Variants in PAM observed in about 807,000 individuals in gnomAD.
PAM encodes peptidyl-glycine alpha-amidating monooxygenase.
In PAM, 72 loss-of-function variants were observed where a neutral mutation model predicts 122.1. That is an observed-to-expected ratio of 0.59 (90% confidence interval 0.49 to 0.72). The LOEUF is 0.72. Among genes scored for constraint, PAM ranks in the 30% least tolerant of loss-of-function variants. The probability of loss-of-function intolerance (pLI) is 0.00; values close to 1 mark genes in which losing one functional copy is unlikely to be tolerated. For missense variants in PAM, 1,106 were observed against 1,183.7 expected (o/e 0.93, Z 0.96); for synonymous variants, 389 against 404.4 (o/e 0.96, Z 0.46).
chr5:102,913,595 T>C (rs10463988), intron 4 of PAM, among the ~76,000 whole-genome samples: 43,570 of 151,832 alleles, frequency 0.29, 6,552 homozygotes, highest in East Asian at 0.43. Flanking sequence ...ACTGTACTGA[T>C]GTCTAAAAGG....
chr5:102,864,660 A>G (rs936179009), intron 1 of PAM: 9 of 152,142 alleles, frequency 5.9e-5, no homozygotes, highest in African/African-American at 1.9e-4. Flanking sequence ...AGGCTGATGT[A>G]TTACTGTGAA....
chr5:102,899,799 G>T (rs1797172591), intron 3 of PAM, among the ~76,000 whole-genome samples: 1 of 151,668 alleles, frequency 6.6e-6, no homozygotes, highest in Non-Finnish European at 1.5e-5. Flanking sequence ...CAAAACAAAA[G>T]GGAGGAGACC....
chr5:102,850,735 C>T (rs887522768), intron 1 of PAM, among the ~76,000 whole-genome samples: 1 of 152,046 alleles, frequency 6.6e-6, no homozygotes, highest in Non-Finnish European at 1.5e-5. Context: ...GGGCGGCTGG[C>T]GGGGTGGTGG....
At chr5:102,805,547 T>A (rs1388091450) in intron 1 of PAM, among the ~76,000 whole-genome samples, 1 of 152,160 alleles carries the variant, frequency 6.6e-6, no homozygotes, top group Non-Finnish European at 1.5e-5. Context: ...TGCTATTGGG[T>A]AGGTTTTGCC....
chr5:103,006,788 C>T lies in PAM; in HGVS notation c.1804-13C>T. 1 of 1,591,254 alleles carries T rather than the reference C, an allele frequency of 6.3e-7. No individual in the cohort carries two copies. The highest frequency in any genetic ancestry group is 8.6e-7 in the Non-Finnish European group (1 of 1,162,282). ...ATGAAAAGTAGGTAAGGCTTTTGTT[C>T]CTTTTTAAAAAGGTGTTCAAACTGG... On this transcript the variant is annotated splice_polypyrimidine_tract_variant and intron_variant, in intron 18 of 25. Transcript: ENST00000438793.
chr5:102,887,896 G>T (rs1581353205), intron 3 of PAM, among the ~76,000 whole-genome samples: 2 of 151,986 alleles, frequency 1.3e-5, no homozygotes, highest in East Asian at 1.9e-4. Flanking sequence ...CTTTCTCAAA[G>T]AAGCTTTTCC....
intron 15 of PAM, chr5:102,987,492 A>G: frequency 2.2e-6 from 1 of 451,440 alleles, no homozygotes; most frequent in Middle Eastern, 3.3e-4. Flanking sequence ...ATAGTTAACA[A>G]CAATATATTG....
At chr5:102,872,846 G>A (rs190584769) in intron 3 of PAM, among the ~76,000 whole-genome samples, 1 of 152,096 alleles carries the variant, frequency 6.6e-6, no homozygotes, top group Admixed American at 6.5e-5. Context: ...TTCCATCATT[G>A]TGTAAAAAAG....
At chr5:103,013,033 C>T (rs1360556466) in intron 21 of PAM, among the ~76,000 whole-genome samples, 1 of 152,034 alleles carries the variant, frequency 6.6e-6, no homozygotes, top group Admixed American at 6.6e-5. Context: ...GTTCTTTTTG[C>T]TCAGGTTAGT....
At chr5:102,878,765 G>A (rs1333532302) in intron 3 of PAM, among the ~76,000 whole-genome samples, 1 of 151,768 alleles carries the variant, frequency 6.6e-6, no homozygotes, top group Non-Finnish European at 1.5e-5. Flanking sequence ...AATGCTTATA[G>A]AATAAAGACA....
intron 3 of PAM, among the ~76,000 whole-genome samples, chr5:102,884,071 G>A (rs1269451087): frequency 3.3e-5 from 5 of 151,658 alleles, no homozygotes; most frequent in African/African-American, 4.8e-5. Flanking sequence ...ATATACATGT[G>A]TCTGTTTGGT....
intron 1 of PAM, among the ~76,000 whole-genome samples, chr5:102,831,312 C>G (rs529581764): frequency 6.6e-6 from 1 of 152,188 alleles, no homozygotes; most frequent in South Asian, 2.1e-4. Flanking sequence ...TAAAAATTAT[C>G]TTGTTAAAAA....
intron 3 of PAM, among the ~76,000 whole-genome samples, chr5:102,881,910 C>T (rs1014654355): frequency 6.6e-6 from 1 of 150,508 alleles, no homozygotes; most frequent in Admixed American, 6.6e-5. Context: ...GCTTAACTCC[C>T]AACTTATGAG....
intron 1 of PAM, among the ~76,000 whole-genome samples, chr5:102,857,137 A>G (rs778811628): frequency 1.3e-5 from 2 of 152,206 alleles, no homozygotes; most frequent in African/African-American, 4.8e-5. Flanking sequence ...AAAAATAGAA[A>G]GGGCAAAAAA....
At position 102,867,377 on chromosome 5, in the gene PAM, G is replaced by A. The variant is rs537531279; in HGVS notation, c.194G>A (p.Gly65Glu). The change falls in exon 3 of 26, where the codon GGG becomes GAG. Residue 65 changes from glycine (G) to glutamate (E), a missense_variant. By Grantham distance (98) the Gly-to-Glu change is moderately conservative (BLOSUM62 -2). Transcript: ENST00000438793. The stretch of plus-strand genomic sequence containing the variant: ...TTTGCATTGGATATTCGCATGCCTG[G>A]GGTTACACCTAAACAGGTGAGAGGA... ...SDFALDIRMP[G>E]VTPKQSDTYF... The A allele has an allele frequency of 3.4e-5, 55 of 1,608,624 alleles. 1 individual carries two copies. In the South Asian group the frequency reaches 4.3e-4, roughly 13 times the overall value.
chr5:102,821,576 C>T (rs1226005427), intron 1 of PAM, among the ~76,000 whole-genome samples: 3 of 152,164 alleles, frequency 2.0e-5, no homozygotes, highest in South Asian at 2.1e-4. Flanking sequence ...TATTAAATGT[C>T]GTTTGGTTAA....
At chr5:102,766,926 A>ATTTTTTTTTTTTTTGTTTTTTT (rs1754154339) in intron 1 of PAM, among the ~76,000 whole-genome samples, 1 of 25,830 alleles carries the variant, frequency 3.9e-5, no homozygotes, top group Admixed American at 4.9e-4. Context: ...TCAGTTGTGG[A>ATTTTTTTTTTTTTTGTTTTTTT]TTTTTTTTTT....
intron 3 of PAM, among the ~76,000 whole-genome samples, chr5:102,869,838 G>C (rs1342373280): frequency 6.6e-6 from 1 of 151,704 alleles, no homozygotes; most frequent in African/African-American, 2.4e-5. Flanking sequence ...GTCCTTAAGA[G>C]GAAAGGAGGT....
intron 7 of PAM, among the ~76,000 whole-genome samples, chr5:102,929,913 T>A (rs956608655): frequency 6.6e-6 from 1 of 151,986 alleles, no homozygotes; most frequent in African/African-American, 2.4e-5. Context: ...TTAGTGTTAG[T>A]GTATTTTATG....
Sources: gnomAD v4.1 joint callset for allele counts (sites outside exome capture counted in the v4.1 genomes callset) on GRCh38, gnomAD v4.1.1 for gene constraint, MANE v1.5 for transcripts, NCBI Gene and HGNC (gene_info 2026-07-23, HGNC 2026-07-21) for gene names.